The following PHYKPL variants were observed in gnomAD, a reference collection of about 807,000 sequenced individuals.
PHYKPL encodes 5-phosphohydroxy-L-lysine phospho-lyase.
In PHYKPL, 42 loss-of-function variants were observed where a neutral mutation model predicts 51.3. The ratio of observed to expected loss-of-function variants is 0.82; its 90% CI spans 0.64 to 1.06. The LOEUF (loss-of-function observed/expected upper bound fraction) is 1.06. Ranked by LOEUF, PHYKPL falls within the 50% of genes least tolerant of loss-of-function variation. The pLI is 0.00. For synonymous variants in PHYKPL, 264 were observed against 236.0 expected (o/e 1.12, Z -1.09); for missense variants, 655 against 586.6 (o/e 1.12, Z -1.20).
In PHYKPL at chr5:178,224,520, G is replaced by A. The variant is rs1307506625; in HGVS notation, c.546C>T (p.His182=). 2.5e-6 allele frequency: 4 copies of A among 1,614,026 alleles called. No individual in the cohort carries two copies. The highest frequency in any genetic ancestry group is 1.1e-5 in the South Asian group (1 of 91,058). Residue 182 remains histidine (H), a synonymous_variant, in exon 6 of 13, where the codon CAC becomes CAT. Transcript: ENST00000308158. ...DTYRGPYRED[H]PNPAMAYANE... is the part of the protein sequence containing the mutation. ...TGGCATAGGCCATAGCTGGGTTGGG[G>A]TGGTCCTCCCGGTAGGGGCCCCGGT...
downstream of PHYKPL, among the ~76,000 whole-genome samples, chr5:178,208,240 A>G (rs998158866): frequency 7.2e-5 from 11 of 152,184 alleles, no homozygotes; most frequent in Non-Finnish European, 1.3e-4. Flanking sequence ...TGGCAGCCAG[A>G]TAAGGTGGGA....
intron 8 of PHYKPL, chr5:178,216,676 T>A (rs1459634489): frequency 6.6e-6 from 1 of 152,174 alleles, no homozygotes. Context: ...AAAAAAGCAA[T>A]CAATGCAAAC....
intron 3 of PHYKPL, chr5:178,228,218 A>C: frequency 2.9e-6 from 1 of 345,066 alleles, no homozygotes; most frequent in East Asian, 5.7e-5. Flanking sequence ...CTCAGAGAGA[A>C]AAGTGGCCCA....
At chr5:178,210,542 C>T (rs767683272) in intron 12 of PHYKPL, 1 of 1,613,384 alleles carries the variant, frequency 6.2e-7, no homozygotes, top group South Asian at 1.1e-5. Flanking sequence ...TATGGTTGTT[C>T]TCGTCCCTAG....
chr5:178,225,962 C>G (rs1263350222), intron 3 of PHYKPL: 1 of 157,720 alleles, frequency 6.3e-6, no homozygotes, highest in African/African-American at 2.4e-5. Flanking sequence ...TCTTTTTTTG[C>G]AGAGATGGGG....
chr5:178,213,256 T>C (rs1402051433), intron 10 of PHYKPL, among the ~76,000 whole-genome samples, 153 bp from the exon 11 acceptor site: 1 of 152,252 alleles, frequency 6.6e-6, no homozygotes, highest in Non-Finnish European at 1.5e-5. Flanking sequence ...CCCAGAGTCC[T>C]GTGCATCTGG....
Position 178,219,542 on chromosome 5 carries a change from C to T in PHYKPL, c.927+2813G>A, listed in dbSNP as rs547003410. ...TCGGCTCACTGCAAGCTCCGCCTCC[C>T]GGGTTCACGCCATTCTCCTGCCTCA... On this transcript the variant is annotated intron_variant, in intron 8 of 12. Coordinates refer to ENST00000308158, the MANE Select transcript of PHYKPL (RefSeq NM_153373.4). Among the ~76,000 whole-genome samples, 8 of 151,884 alleles carry T rather than the reference C, an allele frequency of 5.3e-5. 1 individual carries two copies. In the South Asian group the frequency reaches 8.3e-4, roughly 16 times the overall value.
chr5:178,215,638 A>G, intron 8 of PHYKPL: 2 of 573,390 alleles, frequency 3.5e-6, no homozygotes, highest in Non-Finnish European at 3.0e-6. Context: ...TGTGACTGCA[A>G]CTCAGGTCAG....
intron 3 of PHYKPL, 66 bp from the exon 4 acceptor site, chr5:178,225,495 G>A: frequency 6.6e-7 from 1 of 1,512,652 alleles, no homozygotes; most frequent in Non-Finnish European, 9.2e-7. Flanking sequence ...GAAATGCTGA[G>A]GGCAGGAGGA....
intron 8 of PHYKPL, chr5:178,215,704 G>A: frequency 2.3e-6 from 1 of 431,496 alleles, no homozygotes. Flanking sequence ...AGGAGAGGGT[G>A]TCCTGTTTGT....
chr5:178,231,792 G>T (rs1432705819), intron 1 of PHYKPL: 1 of 1,426,030 alleles, frequency 7.0e-7, no homozygotes, highest in African/African-American at 1.4e-5. Flanking sequence ...ATTTCTGCAT[G>T]TGTCCGCGTC....
At chr5:178,221,866 C>A (rs1343142974) in intron 8 of PHYKPL, among the ~76,000 whole-genome samples, 2 of 152,328 alleles carry the variant, frequency 1.3e-5, no homozygotes, top group East Asian at 1.9e-4. Flanking sequence ...GTGCTGCCAT[C>A]CTCTCACCTA....
At chr5:178,210,062 G>T (rs958748066) in intron 12 of PHYKPL, 1 of 1,583,324 alleles carries the variant, frequency 6.3e-7, no homozygotes, top group East Asian at 2.2e-5. Flanking sequence ...CAAAGGGCAG[G>T]ATTTCCTCCA....
rs1220211003 is a variant in PHYKPL at position 178,225,363 on chromosome 5, T to C, written c.405A>G (p.Val135=). ...RHYTGHQDVV[V]LDHAYHGHLS... ...CTGTGAGTTGCACTTACTGATCTAATACCACCACGTCCTGGTGTCCCGTGT... is the reference window on the plus strand; with the variant it reads ...CTGTGAGTTGCACTTACTGATCTAACACCACCACGTCCTGGTGTCCCGTGT... The change falls in exon 4 of 13, where the codon GTA becomes GTG. Residue 135 remains valine (V), a synonymous_variant. Coordinates refer to ENST00000308158, the MANE Select transcript of PHYKPL (RefSeq NM_153373.4). The C allele has an allele frequency of 1.9e-6, 3 of 1,614,158 alleles. No individual in the cohort carries two copies. The highest frequency in any genetic ancestry group is 1.1e-5 in the South Asian group (1 of 91,074).
intron 12 of PHYKPL, chr5:178,210,446 G>C: frequency 6.7e-7 from 1 of 1,484,318 alleles, no homozygotes. Flanking sequence ...GAGGAAGGCA[G>C]TCTCTGCTGT....
intron 11 of PHYKPL, 51 bp downstream of exon 11, chr5:178,212,922 G>A: frequency 2.5e-6 from 4 of 1,603,080 alleles, no homozygotes; most frequent in Non-Finnish European, 3.4e-6. Flanking sequence ...TCTAGTTGCT[G>A]GCTTCAGGCT....
chr5:178,212,244 C>G (rs1362173057), intron 11 of PHYKPL, among the ~76,000 whole-genome samples: 1 of 152,238 alleles, frequency 6.6e-6, no homozygotes, highest in East Asian at 1.9e-4. Flanking sequence ...CATCATATCC[C>G]TACCACTTCC....
intron 3 of PHYKPL, 40 bp downstream of exon 3, chr5:178,229,900 G>T: frequency 6.2e-7 from 1 of 1,604,396 alleles, no homozygotes; most frequent in South Asian, 1.1e-5. Flanking sequence ...CTTTGTTACC[G>T]TCTCACCCTC....
rs997150569 is a variant in PHYKPL, at chr5:178,232,607, T to C, written c.-57A>G. ...CACGCGGAGACGTCGCCGCGCGGGCTGGGCCTCCAAGGCCCCGCTCCGGGC... is the reference window on the plus strand; with the variant it reads ...CACGCGGAGACGTCGCCGCGCGGGCCGGGCCTCCAAGGCCCCGCTCCGGGC... On this transcript the variant is annotated 5_prime_UTR_variant, in exon 1 of 13. Transcript: ENST00000308158. 58 of 1,247,800 alleles carry C rather than the reference T, an allele frequency of 4.6e-5. No individual in the cohort carries two copies. The East Asian group carries it at 1.8e-3, about 38-fold the overall frequency. 77.3% of individuals were successfully genotyped at this position (1,247,800 alleles called of 1,614,324 possible). A position where few individuals can be genotyped will look rare whatever the true frequency, so the allele number is the denominator to read the frequency against.
Sources: allele counts gnomAD v4.1 joint callset (sites outside exome capture counted in the v4.1 genomes callset), GRCh38; gene constraint gnomAD v4.1.1; transcripts MANE v1.5; gene names NCBI Gene and HGNC (gene_info 2026-07-23, HGNC 2026-07-21).